Variants in NDUFA10 observed in about 807,000 individuals in gnomAD.
NDUFA10 encodes NADH:ubiquinone oxidoreductase subunit A10, also known as NADH dehydrogenase [ubiquinone] 1 alpha subcomplex subunit 10, mitochondrial.
Under a neutral mutation model 47.8 loss-of-function variants are expected in NDUFA10, and 40 were observed. That is an observed-to-expected ratio of 0.84 (90% CI 0.65 to 1.09). The LOEUF (loss-of-function observed/expected upper bound fraction) is 1.09, where lower values mean the gene tolerates loss of function less well. NDUFA10 is among the 50% of genes least tolerant of loss of function. The pLI is 0.00. For missense variants in NDUFA10, 413 were observed against 451.1 expected (o/e 0.92, Z 0.76); for synonymous variants, 183 against 172.2 (o/e 1.06, Z -0.49).
intron 3 of NDUFA10, among the ~76,000 whole-genome samples, chr2:240,020,455 T>G (rs1697574662): frequency 6.6e-6 from 1 of 152,186 alleles, no homozygotes; most frequent in African/African-American, 2.4e-5. Context: ...GGTCCAACTC[T>G]CAGGATGTCT....
intron 9 of NDUFA10, among the ~76,000 whole-genome samples, chr2:239,964,971 TC>T (rs1309256926): frequency 2.0e-5 from 3 of 152,270 alleles, no homozygotes; most frequent in Non-Finnish European, 2.9e-5. Context: ...TGGGTCAGCT[TC>T]CCCAGGGTTT....
At chr2:240,001,436 T>C (rs1381848894) in intron 8 of NDUFA10, among the ~76,000 whole-genome samples, 1 of 152,212 alleles carries the variant, frequency 6.6e-6, no homozygotes, top group Non-Finnish European at 1.5e-5. Context: ...TTTCAAATTA[T>C]TCCCACATTT....
chr2:240,002,368 C>T (rs900982587), intron 8 of NDUFA10, among the ~76,000 whole-genome samples: 19 of 143,126 alleles, frequency 1.3e-4, no homozygotes, highest in African/African-American at 3.7e-4. Flanking sequence ...ACAAGGAAAG[C>T]GGGTTTTGTT....
chr2:240,004,570 G>A (rs1008588209), intron 8 of NDUFA10, among the ~76,000 whole-genome samples: 3 of 150,936 alleles, frequency 2.0e-5, no homozygotes, highest in Admixed American at 1.3e-4. Flanking sequence ...CTTCCACCGC[G>A]GCCTCCCCTC....
intron 8 of NDUFA10, among the ~76,000 whole-genome samples, chr2:239,991,697 C>A (rs1696254735): frequency 6.6e-6 from 1 of 152,156 alleles, no homozygotes; most frequent in Non-Finnish European, 1.5e-5. Flanking sequence ...TTACTGTTAA[C>A]ACAAATATAA....
Position 240,022,316 on chromosome 2 carries a change from A to G in NDUFA10, c.100T>C (p.Cys34Arg). ...TGCCACATTCCATAGCGCAGTTTGC[A>G]CTGCACACTGCTATGAATTCCTCTC... ...RVRGIHSSVQ[C>R]KLRYGMWHFL... Residue 34 changes from cysteine (C) to arginine (R), a missense_variant, in exon 2 of 10, where the codon TGC (cysteine) becomes CGC (arginine). By Grantham distance (180) the Cys-to-Arg change is radical. Coordinates refer to ENST00000252711, the MANE Select transcript of NDUFA10 (RefSeq NM_004544.4). The G allele has an allele frequency of 3.1e-6, 5 of 1,614,142 alleles. No individual in the cohort carries two copies. The highest frequency in any genetic ancestry group is 4.2e-6 in the Non-Finnish European group (5 of 1,180,008).
chr2:240,024,536 G>A (rs1045371021), intron 1 of NDUFA10, among the ~76,000 whole-genome samples: 9 of 152,182 alleles, frequency 5.9e-5, no homozygotes, highest in Non-Finnish European at 1.2e-4. Flanking sequence ...TATAATGGTG[G>A]AGACATGCTA....
chr2:239,926,985 T>A (rs529821678), intron 4 of NDUFA10, among the ~76,000 whole-genome samples: 1 of 152,090 alleles, frequency 6.6e-6, no homozygotes, highest in Non-Finnish European at 1.5e-5. Context: ...CCAGATCCCA[T>A]GAGACTGATT....
intron 3 of NDUFA10, among the ~76,000 whole-genome samples, chr2:240,019,017 C>T (rs906648978): frequency 1.3e-5 from 2 of 152,124 alleles, no homozygotes; most frequent in African/African-American, 4.8e-5. Context: ...TCTGTCCACT[C>T]CCAGCCTCAC....
chr2:239,913,294 T>A (rs1331334469), intron 4 of NDUFA10, among the ~76,000 whole-genome samples: 1 of 152,240 alleles, frequency 6.6e-6, no homozygotes, highest in Non-Finnish European at 1.5e-5. Flanking sequence ...CATGCTTAGC[T>A]TGCTCCCTTC....
intron 9 of NDUFA10, chr2:239,982,326 A>G: frequency 7.0e-7 from 1 of 1,437,218 alleles, no homozygotes; most frequent in East Asian, 2.4e-5. Context: ...CAAAACCTGA[A>G]CTCTTTTCTA....
chr2:240,019,680 G>A (rs1327498739), intron 3 of NDUFA10, among the ~76,000 whole-genome samples: 4 of 83,880 alleles, frequency 4.8e-5, no homozygotes, highest in South Asian at 3.5e-4. Context: ...TTAGCCGGGC[G>A]TAGTGGCGGG....
In NDUFA10 at chr2:239,933,763, CAG is replaced by C. The variant is rs367752698; in HGVS notation, c.295-38451_295-38450del. On this transcript the variant is annotated intron_variant, in intron 4 of 5. Transcript: ENST00000419408. ...CCTGTACGGAACGAAGTCAGTGAAA[CAG>C]GGGCACGTCCCAAAATTACAGGGAA... Among the ~76,000 whole-genome samples the C allele has an allele frequency of 1.8e-3, 269 of 152,274 alleles. 1 individual carries two copies. The highest frequency in any genetic ancestry group is 6.1e-3 in the African/African-American group (254 of 41,550).
At chr2:240,017,247 G>C (rs183580329) in intron 4 of NDUFA10, among the ~76,000 whole-genome samples, 5 of 152,114 alleles carry the variant, frequency 3.3e-5, no homozygotes, top group Non-Finnish European at 5.9e-5. Flanking sequence ...CATCCTCGCC[G>C]AGGCGCAGCT....
At chr2:240,012,970 A>T (rs1419454287) in intron 5 of NDUFA10, 1 of 152,214 alleles carries the variant, frequency 6.6e-6, no homozygotes, top group Non-Finnish European at 1.5e-5. Flanking sequence ...AAAAGAGGTG[A>T]TATGATTCTA....
rs186276568 is a variant in NDUFA10 at position 239,926,119 on chromosome 2, G to A, written c.295-30805C>T. Among the ~76,000 whole-genome samples, 13 of 152,236 alleles carry A rather than the reference G, an allele frequency of 8.5e-5. No individual in the cohort carries two copies. The East Asian group carries it at 2.1e-3, about 25-fold the overall frequency. On this transcript the variant is annotated intron_variant, in intron 4 of 5. Coordinates refer to the NDUFA10 transcript ENST00000419408. ...AAAATTAAACATACACTTACCCTACGATCCAGCAATTACACTTCTGGGCAT... is the reference window on the plus strand; with the variant it reads ...AAAATTAAACATACACTTACCCTACAATCCAGCAATTACACTTCTGGGCAT...
At chr2:239,952,209 G>A (rs571384880) in intron 4 of NDUFA10, among the ~76,000 whole-genome samples, 14 of 146,682 alleles carry the variant, frequency 9.5e-5, no homozygotes, top group Non-Finnish European at 1.5e-4. Context: ...AGGAAAGGCT[G>A]CATGAAGGAC....
intron 4 of NDUFA10, among the ~76,000 whole-genome samples, chr2:239,938,574 GC>G (rs1041750850): frequency 6.6e-6 from 1 of 152,196 alleles, no homozygotes; most frequent in African/African-American, 2.4e-5. Flanking sequence ...GTCTCTTCCT[GC>G]CCAGTGGGGT....
At chr2:239,921,802 C>T (rs994230951) in intron 4 of NDUFA10, among the ~76,000 whole-genome samples, 7 of 152,156 alleles carry the variant, frequency 4.6e-5, no homozygotes, top group Non-Finnish European at 1.0e-4. Context: ...GAACCAGGCT[C>T]AGCCAGATCT....
Sources: allele counts gnomAD v4.1 joint callset (sites outside exome capture counted in the v4.1 genomes callset), GRCh38; gene constraint gnomAD v4.1.1; transcripts MANE v1.5; gene names NCBI Gene and HGNC (gene_info 2026-07-23, HGNC 2026-07-21).